EFL1: variants seen among roughly 807,000 people sequenced by gnomAD.
The protein encoded by EFL1 is elongation factor like GTPase 1, also known as elongation factor-like GTPase 1.
Under a neutral mutation model 126.7 loss-of-function variants are expected in EFL1, and 76 were observed. The ratio of observed to expected loss-of-function variants is 0.60; its 90% CI spans 0.50 to 0.73. The LOEUF is 0.73. EFL1 is among the 30% of genes least tolerant of loss of function. The probability of loss-of-function intolerance (pLI) is 0.00; values close to 1 mark genes in which losing one functional copy is unlikely to be tolerated. For missense variants in EFL1, 1,128 were observed against 1,343.2 expected (o/e 0.84, Z 2.50); for synonymous variants, 410 against 448.4 (o/e 0.91, Z 1.08).
chr15:82,182,275 A>G (rs1231495692), intron 15 of EFL1, among the ~76,000 whole-genome samples: 7 of 152,010 alleles, frequency 4.6e-5, no homozygotes, highest in Non-Finnish European at 8.8e-5. Flanking sequence ...TAAACAAACA[A>G]CCAACCAATT....
At chr15:82,148,412 G>C (rs983874176) in intron 18 of EFL1, among the ~76,000 whole-genome samples, 8 of 151,338 alleles carry the variant, frequency 5.3e-5, no homozygotes, top group Middle Eastern at 3.2e-3. Context: ...AATTTTAGAT[G>C]ATTTGGGATT....
At chr15:82,185,162 T>C (rs909620895) in intron 15 of EFL1, among the ~76,000 whole-genome samples, 19 of 136,548 alleles carry the variant, frequency 1.4e-4, no homozygotes, top group Non-Finnish European at 1.2e-4. Flanking sequence ...GAATGTTTCA[T>C]GTGTGGCTGT....
intron 18 of EFL1, among the ~76,000 whole-genome samples, chr15:82,145,313 A>AAAAAAAAAAGTAAACAGGGACACTTAT (rs1352983610): frequency 6.4e-4 from 97 of 151,564 alleles, no homozygotes; most frequent in African/African-American, 2.3e-3. Context: ...CAAAAAAAAA[A>AAAAAAAAAAGTAAACAGGGACACTTAT]AAAAAAAAGT....
chr15:82,138,966 A>G, intron 18 of EFL1, 124 bp from the exon 19 acceptor site: 1 of 924,860 alleles, frequency 1.1e-6, no homozygotes, highest in Non-Finnish European at 1.5e-6. Context: ...AATAATGTTG[A>G]TTTACAAAAG....
Position 82,138,756 on chromosome 15 carries a change from C to A in EFL1, c.3076G>T (p.Ala1026Ser), listed in dbSNP as rs767033704. 6 of 1,614,016 alleles carry A rather than the reference C, an allele frequency of 3.7e-6. No homozygotes were observed. The highest frequency in any genetic ancestry group is 3.4e-6 in the Non-Finnish European group (4 of 1,179,934). The change falls in exon 19 of 20, where the codon GCT becomes TCT. Residue 1026 changes from alanine to serine, a missense_variant. This residue lies in a region of EFL1 where 561 missense variants were observed against 641.7 expected (regional missense o/e 0.87). Transcript: ENST00000268206. ...KEGTDMFIIK[A>S]VLPVAESFGF... The stretch of plus-strand genomic sequence containing the variant: ...AAGCTTTCAGCAACAGGCAGCACAG[C>A]CTTGATGATGAACATGTCTGTCCCT...
At chr15:82,227,606 G>A in intron 10 of EFL1, 34 bp from the exon 11 acceptor site, 2 of 1,613,422 alleles carry the variant, frequency 1.2e-6, no homozygotes, top group East Asian at 2.2e-5. Flanking sequence ...AAAACCTTGA[G>A]CCAGTGCCTC....
At chr15:82,155,259 T>G (rs934085522) in intron 17 of EFL1, among the ~76,000 whole-genome samples, 15 of 152,168 alleles carry the variant, frequency 9.9e-5, no homozygotes, top group African/African-American at 3.6e-4. Flanking sequence ...CCCAGCACTT[T>G]GGGAGGCCGA....
intron 17 of EFL1, among the ~76,000 whole-genome samples, chr15:82,154,215 G>C (rs1486277231): frequency 6.6e-6 from 1 of 152,174 alleles, no homozygotes; most frequent in East Asian, 1.9e-4. Context: ...GCAATGCAGA[G>C]CCTGTGATGA....
intron 7 of EFL1, among the ~76,000 whole-genome samples, chr15:82,237,544 G>A (rs571328213): frequency 3.9e-5 from 6 of 152,300 alleles, no homozygotes; most frequent in South Asian, 2.1e-4. Context: ...GATCACTCAC[G>A]CATGCACTGC....
At chr15:82,180,391 A>C (rs1374601075) in intron 15 of EFL1, among the ~76,000 whole-genome samples, 1 of 151,494 alleles carries the variant, frequency 6.6e-6, no homozygotes, top group African/African-American at 2.4e-5. Flanking sequence ...AAACAAACAA[A>C]AAAAACCAGC....
At chr15:82,144,361 T>A (rs1312508915) in intron 18 of EFL1, among the ~76,000 whole-genome samples, 1 of 152,086 alleles carries the variant, frequency 6.6e-6, no homozygotes, top group Non-Finnish European at 1.5e-5. Context: ...TGTGCTATGG[T>A]ACAAAGAAAG....
intron 14 of EFL1, 30 bp from the exon 15 acceptor site, chr15:82,214,885 T>G: frequency 6.3e-7 from 1 of 1,590,632 alleles, no homozygotes; most frequent in East Asian, 2.3e-5. Flanking sequence ...GGAAGACAAG[T>G]TAGGAGGCAT....
At chr15:82,216,544 A>C (rs551690306) in intron 14 of EFL1, among the ~76,000 whole-genome samples, 163 of 152,286 alleles carry the variant, frequency 1.1e-3, no homozygotes, top group South Asian at 2.5e-3. Flanking sequence ...GTCCAGAAAC[A>C]GACCTATGTA....
At chr15:82,139,215 A>T (rs182421445) in intron 18 of EFL1, among the ~76,000 whole-genome samples, 90 of 152,332 alleles carry the variant, frequency 5.9e-4, no homozygotes, top group Non-Finnish European at 3.1e-4. Flanking sequence ...AAAATATTTG[A>T]ATAATTTTGA....
intron 18 of EFL1, among the ~76,000 whole-genome samples, chr15:82,140,269 T>C (rs768024236): frequency 2.0e-5 from 3 of 152,248 alleles, no homozygotes; most frequent in Non-Finnish European, 4.4e-5. Flanking sequence ...GCTCTCCTGG[T>C]TGCTTCAGGA....
chr15:82,194,210 G>T (rs1162347437), intron 15 of EFL1, among the ~76,000 whole-genome samples: 3 of 152,108 alleles, frequency 2.0e-5, no homozygotes, highest in Non-Finnish European at 4.4e-5. Flanking sequence ...TTTATCGGGA[G>T]GTATCTATAC....
intron 18 of EFL1, among the ~76,000 whole-genome samples, chr15:82,145,647 C>T (rs946100522): frequency 3.3e-5 from 5 of 151,702 alleles, no homozygotes; most frequent in Non-Finnish European, 7.4e-5. Context: ...GCCTGGCCAA[C>T]AAGGTGAAAC....
intron 18 of EFL1, among the ~76,000 whole-genome samples, chr15:82,150,274 G>A (rs936448475): frequency 6.6e-6 from 1 of 152,212 alleles, no homozygotes; most frequent in South Asian, 2.1e-4. Flanking sequence ...TTAGATTTCT[G>A]CTTTCAGGAA....
intron 15 of EFL1, among the ~76,000 whole-genome samples, chr15:82,213,089 CTA>C (rs1261031177): frequency 6.6e-6 from 1 of 152,194 alleles, no homozygotes; most frequent in Non-Finnish European, 1.5e-5. Context: ...AAGTTTAAGA[CTA>C]TGCAGTTGGT....
Sources: gnomAD v4.1 joint callset for allele counts (sites outside exome capture counted in the v4.1 genomes callset) on GRCh38, gnomAD v4.1.1 for gene constraint, gnomAD v4.1.1 regional missense constraint, MANE v1.5 for transcripts, NCBI Gene and HGNC (gene_info 2026-07-23, HGNC 2026-07-21) for gene names.